The following SPAG16 variants were observed in gnomAD, a reference collection of about 807,000 sequenced individuals.
SPAG16 encodes the protein sperm-associated antigen 16 protein.
SPAG16 carries 86 observed loss-of-function variants against 80.4 expected under a neutral mutation model. That is an observed-to-expected ratio of 1.07 (90% CI 0.90 to 1.28). The LOEUF (loss-of-function observed/expected upper bound fraction) is 1.28. Among genes scored for constraint, SPAG16 ranks in the 50% most tolerant of loss-of-function variants. SPAG16 has a pLI of 0.00. For missense variants in SPAG16, 870 were observed against 765.3 expected (o/e 1.14, Z -1.61); for synonymous variants, 294 against 265.9 (o/e 1.11, Z -1.03).
chr2:213,316,565 G>A (rs1337503642), intron 4 of SPAG16, among the ~76,000 whole-genome samples: 1 of 151,982 alleles, frequency 6.6e-6, no homozygotes, highest in African/African-American at 2.4e-5. Flanking sequence ...CTGTTTTCCT[G>A]ACTCATCTTT....
intron 15 of SPAG16, chr2:214,281,008 C>T (rs538514332): frequency 4.9e-6 from 2 of 411,128 alleles, no homozygotes; most frequent in South Asian, 2.1e-5. Flanking sequence ...AAGGGATAGA[C>T]AAACCTCCAT....
chr2:213,721,318 C>T (rs941355784), intron 10 of SPAG16, among the ~76,000 whole-genome samples: 5 of 151,344 alleles, frequency 3.3e-5, no homozygotes, highest in Non-Finnish European at 7.4e-5. Flanking sequence ...AGGCTCGTCT[C>T]GAACTCCTGA....
chr2:213,829,195 A>C (rs1324665317), intron 10 of SPAG16, among the ~76,000 whole-genome samples: 3 of 152,102 alleles, frequency 2.0e-5, no homozygotes, highest in African/African-American at 4.8e-5. Context: ...AAACCTTAGA[A>C]ATTTCCCTGA....
At chr2:213,338,636 G>C (rs2064509320) in intron 5 of SPAG16, among the ~76,000 whole-genome samples, 5 of 152,140 alleles carry the variant, frequency 3.3e-5, no homozygotes, top group Admixed American at 3.3e-4. Context: ...TGATAGACTG[G>C]ATAAAGAAAA....
At chr2:214,267,970 T>C (rs1371806862) in intron 15 of SPAG16, among the ~76,000 whole-genome samples, 2 of 151,752 alleles carry the variant, frequency 1.3e-5, no homozygotes, top group Non-Finnish European at 3.0e-5. Flanking sequence ...TCAAACTACT[T>C]AATAAGTAGA....
rs1017074619 is a variant in SPAG16 at position 214,360,086 on chromosome 2, A to C, written c.1721-50054A>C. Among the ~76,000 whole-genome samples, 10 of 151,992 alleles carry C rather than the reference A, an allele frequency of 6.6e-5. No individual in the cohort carries two copies. The East Asian group carries it at 1.9e-3, about 29-fold the overall frequency. ...TTTTCCCTACCACCTTCAGTCAGCTACAAATCACCACAATTGTGTAATATT... is the reference window on the plus strand; with the variant it reads ...TTTTCCCTACCACCTTCAGTCAGCTCCAAATCACCACAATTGTGTAATATT... On this transcript the variant is annotated intron_variant, in intron 15 of 15. Transcript: ENST00000331683.
intron 9 of SPAG16, among the ~76,000 whole-genome samples, chr2:213,479,094 C>CTTTTTTTT (rs148476714): frequency 1.2e-4 from 11 of 94,342 alleles, no homozygotes; most frequent in Admixed American, 2.6e-4. Context: ...CACTGGCTTC[C>CTTTTTTTT]TTTTTTTTTT....
At chr2:214,354,436 G>T (rs1049184120) in intron 15 of SPAG16, among the ~76,000 whole-genome samples, 1 of 152,152 alleles carries the variant, frequency 6.6e-6, no homozygotes, top group East Asian at 1.9e-4. Context: ...GTAGCATGAT[G>T]CCTCCAGCTT....
intron 15 of SPAG16, among the ~76,000 whole-genome samples, chr2:214,331,449 T>A (rs1207991945): frequency 6.6e-6 from 1 of 152,140 alleles, no homozygotes; most frequent in Non-Finnish European, 1.5e-5. Context: ...AGTTGAAGTG[T>A]TTTCCCCTGA....
intron 13 of SPAG16, among the ~76,000 whole-genome samples, chr2:214,026,114 A>G (rs186492829): frequency 9.2e-4 from 140 of 151,656 alleles, no homozygotes; most frequent in Non-Finnish European, 1.6e-3. Context: ...TTTGTCCAAA[A>G]ACAGTTTCTT....
intron 12 of SPAG16, among the ~76,000 whole-genome samples, chr2:213,950,686 C>T (rs1575628659): frequency 1.6e-5 from 2 of 126,234 alleles, no homozygotes; most frequent in South Asian, 3.1e-4. Context: ...CCTTCTCTCT[C>T]TTTTCTTTTT....
chr2:214,173,501 C>G (rs910680106), intron 15 of SPAG16, among the ~76,000 whole-genome samples: 1 of 151,902 alleles, frequency 6.6e-6, no homozygotes, highest in African/African-American at 2.4e-5. Context: ...GTTACTGTAG[C>G]CTTGTAGTAT....
chr2:214,007,399 C>A (rs2047077505), intron 12 of SPAG16, among the ~76,000 whole-genome samples: 1 of 149,856 alleles, frequency 6.7e-6, no homozygotes, highest in African/African-American at 2.5e-5. Flanking sequence ...AGTTTGAGAC[C>A]AGCCTGGACA....
At chr2:214,172,871 A>G (rs552085508) in intron 15 of SPAG16, among the ~76,000 whole-genome samples, 6 of 152,120 alleles carry the variant, frequency 3.9e-5, no homozygotes, top group African/African-American at 7.2e-5. Flanking sequence ...ACATTTTTTC[A>G]TGTGTTTTTT....
chr2:213,360,586 T>G (rs2065923285), intron 7 of SPAG16, among the ~76,000 whole-genome samples: 1 of 152,236 alleles, frequency 6.6e-6, no homozygotes, highest in African/African-American at 2.4e-5. Context: ...TTGTGTACCC[T>G]TCTTACAAAG....
chr2:213,698,933 G>A lies in SPAG16; in HGVS notation c.1071-163552G>A, dbSNP rs147803906. On this transcript the variant is annotated intron_variant, in intron 10 of 15. Coordinates refer to ENST00000331683, the MANE Select transcript of SPAG16 (RefSeq NM_024532.5). ...AATTAAATGAGATAATGCACATCAA[G>A]TACAACGCATAGTACCTGGCATATA... 3.9e-4 allele frequency among the ~76,000 whole-genome samples: 60 copies of A among 152,300 alleles called. 1 individual carries two copies. The highest frequency in any genetic ancestry group is 2.7e-3 in the South Asian group (13 of 4,830).
At chr2:213,972,400 A>T (rs1032891535) in intron 12 of SPAG16, among the ~76,000 whole-genome samples, 1 of 152,160 alleles carries the variant, frequency 6.6e-6, no homozygotes, top group Non-Finnish European at 1.5e-5. Context: ...GGCACAGAAA[A>T]GATGTTGGTG....
intron 5 of SPAG16, among the ~76,000 whole-genome samples, chr2:213,334,315 C>T (rs749225894): frequency 2.0e-5 from 3 of 152,120 alleles, no homozygotes; most frequent in African/African-American, 4.8e-5. Context: ...ATAATGCTGG[C>T]GAGGATATGG....
At chr2:214,052,921 G>T (rs1465230517) in intron 13 of SPAG16, among the ~76,000 whole-genome samples, 1 of 152,130 alleles carries the variant, frequency 6.6e-6, no homozygotes, top group East Asian at 1.9e-4. Flanking sequence ...AGACAAGAAG[G>T]CAAAAACTGA....
Sources: allele counts gnomAD v4.1 joint callset (sites outside exome capture counted in the v4.1 genomes callset), GRCh38; gene constraint gnomAD v4.1.1; transcripts MANE v1.5; gene names NCBI Gene and HGNC (gene_info 2026-07-23, HGNC 2026-07-21).